PEPD: variants seen among roughly 807,000 people sequenced by gnomAD.
PEPD encodes the protein peptidase D, also known as xaa-Pro dipeptidase.
In PEPD, 53 loss-of-function variants were observed where a neutral mutation model predicts 60.7. That is an observed-to-expected ratio of 0.87 (90% confidence interval 0.70 to 1.10). The LOEUF is 1.10. Ranked by LOEUF, PEPD falls within the 50% of genes least tolerant of loss-of-function variation. PEPD has a pLI of 0.00. For missense variants in PEPD, 711 were observed against 711.9 expected, an observed-to-expected ratio of 1.00 and a Z score of 0.01; for synonymous variants, 267 against 284.1, an observed-to-expected ratio of 0.94 and a Z score of 0.60.
chr19:33,516,703 C>T (rs1971029453), intron 1 of PEPD, among the ~76,000 whole-genome samples: 1 of 152,188 alleles, frequency 6.6e-6, no homozygotes, highest in South Asian at 2.1e-4. Flanking sequence ...GGGGCTCCAT[C>T]TACTAGATGG....
At chr19:33,436,367 C>T (rs577057074) in intron 9 of PEPD, among the ~76,000 whole-genome samples, 14 of 152,210 alleles carry the variant, frequency 9.2e-5, no homozygotes, top group South Asian at 2.1e-4. Context: ...AAGAGGCAGG[C>T]GGGAGCCGTC....
chr19:33,430,327 C>T (rs146751653), intron 9 of PEPD, among the ~76,000 whole-genome samples: 6 of 152,250 alleles, frequency 3.9e-5, no homozygotes, highest in Non-Finnish European at 5.9e-5. Flanking sequence ...GTTTGACACC[C>T]GAGAGACGGC....
intron 3 of PEPD, among the ~76,000 whole-genome samples, chr19:33,510,320 A>G (rs1286825439): frequency 1.3e-5 from 2 of 152,044 alleles, no homozygotes; most frequent in African/African-American, 2.4e-5. Flanking sequence ...AGGAAGGGAG[A>G]AGACAGAAGG....
chr19:33,402,532 AC>A, intron 11 of PEPD, among the ~76,000 whole-genome samples: 1 of 152,070 alleles, frequency 6.6e-6, no homozygotes, highest in Admixed American at 6.5e-5. Context: ...GCCCGACACT[AC>A]CCCTCTGCCC....
chr19:33,421,778 A>G (rs1320957798), intron 9 of PEPD, among the ~76,000 whole-genome samples: 1 of 152,064 alleles, frequency 6.6e-6, no homozygotes, highest in Admixed American at 6.5e-5. Context: ...TACAGGTGTG[A>G]GCCACTGTGC....
In PEPD at chr19:33,416,553, G is replaced by A. The variant is rs548097073; in HGVS notation, c.672-2910C>T. Reference sequence around the variant, plus strand: ...CCTCCTGCTCACCTGGAAGGCGGATGGGGTGGTACACACACCCCAGCCAGG... The same window carrying A: ...CCTCCTGCTCACCTGGAAGGCGGATAGGGTGGTACACACACCCCAGCCAGG... On this transcript the variant is annotated intron_variant, in intron 9 of 14. Transcript: ENST00000244137. Among the ~76,000 whole-genome samples the A allele has an allele frequency of 2.8e-3, 419 of 152,258 alleles. 1 individual carries two copies. The highest frequency in any genetic ancestry group is 4.6e-3 in the Admixed American group (70 of 15,304).
At chr19:33,501,686 T>C (rs570309364) in intron 3 of PEPD, among the ~76,000 whole-genome samples, 1 of 151,546 alleles carries the variant, frequency 6.6e-6, no homozygotes, top group East Asian at 2.0e-4. Context: ...CAAATAATAA[T>C]AATTATTATT....
Position 33,400,307 on chromosome 19 carries a change from G to A in PEPD, c.967+1414C>T, listed in dbSNP as rs188526319. Among the ~76,000 whole-genome samples the A allele has an allele frequency of 1.6e-3, 238 of 152,348 alleles. 3 individuals carry two copies. The East Asian group carries it at 0.039, about 25-fold the overall frequency. The stretch of plus-strand genomic sequence containing the variant: ...TGGCTGGGGCCTGTGTGCTGAGGGC[G>A]GGCCCTGGCCAGACGATCCAGCTGT... On this transcript the variant is annotated intron_variant, in intron 12 of 14. Transcript: ENST00000244137.
intron 7 of PEPD, among the ~76,000 whole-genome samples, chr19:33,475,892 C>T (rs1970205349): frequency 1.3e-5 from 2 of 152,200 alleles, no homozygotes; most frequent in South Asian, 2.1e-4. Flanking sequence ...CAAGGTCTCG[C>T]TCTGTCACTC....
intron 9 of PEPD, among the ~76,000 whole-genome samples, chr19:33,422,797 TATCC>T (rs1224039590): frequency 2.1e-5 from 3 of 145,082 alleles, no homozygotes; most frequent in South Asian, 4.4e-4. Flanking sequence ...TCCCTCTATC[TATCC>T]ATCCATCCAT....
chr19:33,497,951 A>C (rs772237706), intron 4 of PEPD, among the ~76,000 whole-genome samples: 2 of 150,986 alleles, frequency 1.3e-5, no homozygotes, highest in Non-Finnish European at 3.0e-5. Flanking sequence ...TCCCAGTACC[A>C]CTCCCCTCCA....
Position 33,431,992 on chromosome 19 carries a change from C to CAAAAAAAAAAAAAAAAAAAAAA in PEPD, c.672-18350_672-18349insTTTTTTTTTTTTTTTTTTTTTT, listed in dbSNP as rs906879187. On this transcript the variant is annotated intron_variant, in intron 9 of 14. Coordinates refer to ENST00000244137, the MANE Select transcript of PEPD (RefSeq NM_000285.4). ...TGGGTAACAGAGCAAGACACCACCT[C>CAAAAAAAAAAAAAAAAAAAAAA]AAAAAAAAAAAAAAAAAAGGGAAGA... Among the ~76,000 whole-genome samples the CAAAAAAAAAAAAAAAAAAAAAA allele has an allele frequency of 9.7e-3, 756 of 77,644 alleles. 38 individuals carry two copies. Among genetic ancestry groups the CAAAAAAAAAAAAAAAAAAAAAA allele is most frequent in the East Asian group, 0.024 (52 of 2,156 alleles). The allele number at this position is 77,644 out of a possible 152,430, so 50.9% of individuals were successfully genotyped here. A position where few individuals can be genotyped will look rare whatever the true frequency, so the allele number is the denominator to read the frequency against.
rs549872615 is a variant in PEPD at position 33,515,373 on chromosome 19, CTGGG to C, written c.18-2601_18-2598del. On this transcript the variant is annotated intron_variant, in intron 1 of 14. Transcript: ENST00000244137. ...CCCTCCCAGGAGGGTGAGCAGGTGG[CTGGG>C]TGGACACCAGCGGCCAGAGCTTCCT... Among the ~76,000 whole-genome samples, 25 of 152,258 alleles carry C rather than the reference CTGGG, an allele frequency of 1.6e-4. No individual in the cohort carries two copies. The South Asian group carries it at 5.0e-3, about 30-fold the overall frequency.
At chr19:33,519,283 A>G (rs10415555) in intron 1 of PEPD, among the ~76,000 whole-genome samples, 28,777 of 152,174 alleles carry the variant, frequency 0.19, 3,052 homozygotes, top group African/African-American at 0.26. Context: ...ATGCATTCAG[A>G]GTAGATTCTT....
At chr19:33,495,535 T>C (rs1487687053) in intron 4 of PEPD, among the ~76,000 whole-genome samples, 2 of 151,698 alleles carry the variant, frequency 1.3e-5, no homozygotes, top group Non-Finnish European at 2.9e-5. Context: ...CCTTTAAAAC[T>C]GTTGGGTCAA....
intron 5 of PEPD, among the ~76,000 whole-genome samples, chr19:33,490,672 A>AT (rs1028537070): frequency 9.3e-5 from 14 of 150,956 alleles, no homozygotes; most frequent in East Asian, 1.9e-4. Flanking sequence ...TATTTTACTT[A>AT]TTTTTTTTTG....
chr19:33,412,486 C>A (rs767586289), intron 10 of PEPD, among the ~76,000 whole-genome samples: 26 of 152,154 alleles, frequency 1.7e-4, no homozygotes, highest in African/African-American at 5.8e-4. Flanking sequence ...GCTGCCCTGG[C>A]GTCCTGACCA....
At chr19:33,465,481 G>A (rs1970005267) in intron 7 of PEPD, among the ~76,000 whole-genome samples, 1 of 152,078 alleles carries the variant, frequency 6.6e-6, no homozygotes, top group Non-Finnish European at 1.5e-5. Context: ...ATTCGATGGA[G>A]GGAGCCAAGA....
intron 3 of PEPD, among the ~76,000 whole-genome samples, chr19:33,506,409 T>TTC: frequency 1.2e-5 from 1 of 83,162 alleles, no homozygotes; most frequent in African/African-American, 5.0e-5. Flanking sequence ...ACACACACCC[T>TTC]CATCACACCC....
Sources: gnomAD v4.1 joint callset for allele counts (sites outside exome capture counted in the v4.1 genomes callset) on GRCh38, gnomAD v4.1.1 for gene constraint, MANE v1.5 for transcripts, NCBI Gene and HGNC (gene_info 2026-07-23, HGNC 2026-07-21) for gene names.